APOC2: variants seen among roughly 807,000 people sequenced by gnomAD.
APOC2 encodes apolipoprotein C2.
APOC2 carries 6 observed loss-of-function variants against 10.2 expected under a neutral mutation model. The ratio of observed to expected loss-of-function variants is 0.59; its 90% CI spans 0.32 to 1.16. APOC2 has a LOEUF of 1.16. APOC2 is among the 50% of genes most tolerant of loss of function. APOC2 has a pLI of 0.05. For synonymous variants in APOC2, 56 were observed against 48.5 expected, an observed-to-expected ratio of 1.15 and a Z score of -0.64; for missense variants, 110 against 117.6, an observed-to-expected ratio of 0.94 and a Z score of 0.30.
rs577082578 is a variant in APOC2 at position 44,948,958 on chromosome 19, G to A, written c.215+98G>A. ...CCCAGCCCCTCCTCCCTCAGACCCA[G>A]GAGTCCAGGCCTCAGCCCCTCCTCC... On this transcript the variant is annotated intron_variant, in intron 3 of 3. Coordinates refer to ENST00000252490, the MANE Select transcript of APOC2 (RefSeq NM_000483.5). The A allele has an allele frequency of 1.3e-5, 20 of 1,536,152 alleles. No homozygotes were observed. In the South Asian group the frequency reaches 2.1e-4, roughly 16 times the overall value.
At chr19:44,948,920 CAGA>C in intron 3 of APOC2, 60 bp downstream of exon 3, 1 of 1,601,542 alleles carries the variant, frequency 6.2e-7, no homozygotes, top group South Asian at 1.1e-5. Flanking sequence ...ATCCAGGACC[CAGA>C]AGTTCAGGCC....
In APOC2 at chr19:44,949,179, C is replaced by G; in HGVS notation, c.236C>G (p.Thr79Arg). The G allele has an allele frequency of 6.2e-7, 1 of 1,614,006 alleles. No homozygotes were observed. Among genetic ancestry groups the G allele is most frequent in the South Asian group, 1.1e-5 (1 of 91,034 alleles). ...EKLRDLYSKS[T>R]AAMSTYTGIF... is the part of the protein sequence containing the mutation. ...CCCAGGGACTTGTACAGCAAAAGCA[C>G]AGCAGCCATGAGCACTTACACAGGC... Residue 79 changes from threonine (T) to arginine (R), a missense_variant, in exon 4 of 4, where the codon ACA becomes AGA. Transcript: ENST00000252490.
At chr19:44,946,810 A>C (rs1470837278) in intron 1 of APOC2, among the ~76,000 whole-genome samples, 1 of 152,144 alleles carries the variant, frequency 6.6e-6, no homozygotes, top group Non-Finnish European at 1.5e-5. Context: ...TGACAGAGCA[A>C]GACTCAGTCT....
intron 1 of APOC2, among the ~76,000 whole-genome samples, chr19:44,947,482 G>C (rs1296079909): frequency 6.6e-6 from 1 of 152,200 alleles, no homozygotes; most frequent in Non-Finnish European, 1.5e-5. Context: ...GCTGGGCCCA[G>C]AACTGTTTAG....
chr19:44,948,592 T>G (rs368074998), intron 2 of APOC2, 59 bp downstream of exon 2: 363 of 1,606,014 alleles, frequency 2.3e-4, no homozygotes, highest in Non-Finnish European at 3.0e-4. Flanking sequence ...CCAAGCATCT[T>G]CCCAGCCCAG....
chr19:44,947,989 A>G (rs1385921767), intron 1 of APOC2, among the ~76,000 whole-genome samples: 1 of 152,202 alleles, frequency 6.6e-6, no homozygotes, highest in Non-Finnish European at 1.5e-5. Context: ...GAATTGCTAG[A>G]ACCCTGGAGG....
At chr19:44,948,593 C>T (rs1970348406) in intron 2 of APOC2, 60 bp downstream of exon 2, 7 of 1,605,140 alleles carry the variant, frequency 4.4e-6, no homozygotes, top group Non-Finnish European at 6.0e-6. Context: ...CAAGCATCTT[C>T]CCAGCCCAGG....
rs776109755 is a variant in APOC2, at chr19:44,949,290, A to C, written c.*41A>C. 6.6e-7 allele frequency: 1 copy of C among 1,507,234 alleles called. No individual in the cohort carries two copies. Among genetic ancestry groups the C allele is most frequent in the Non-Finnish European group, 9.2e-7 (1 of 1,088,814 alleles). 93.4% of individuals were successfully genotyped at this position (1,507,234 alleles called of 1,614,324 possible). On this transcript the variant is annotated 3_prime_UTR_variant, in exon 4 of 4. Coordinates refer to ENST00000252490, the MANE Select transcript of APOC2 (RefSeq NM_000483.5). ...TCAGTGGACAAGGGGAGAGTCCCCT[A>C]CTCCCCTGATCCCCCAGGTTCAGAC...
rs929963353 is a variant in APOC2 at position 44,949,427 on chromosome 19, A to G, written c.*178A>G. 22 of 630,156 alleles carry G rather than the reference A, an allele frequency of 3.5e-5. No individual in the cohort carries two copies. The African/African-American group carries it at 3.8e-4, about 11-fold the overall frequency. 39.0% of individuals were successfully genotyped at this position (630,156 alleles called of 1,614,324 possible). A position where few individuals can be genotyped will look rare whatever the true frequency, so the allele number is the denominator to read the frequency against. On this transcript the variant is annotated 3_prime_UTR_variant, in exon 4 of 4. Transcript: ENST00000252490. ...TCTCATGGATGGCACTGCTTTTCTG[A>G]GGACTCAAGGGCCAAGATGGAGGGG...
chr19:44,949,035 T>G (rs1459058437), intron 3 of APOC2, 124 bp from the exon 4 acceptor site: 5 of 1,005,640 alleles, frequency 5.0e-6, no homozygotes, highest in Non-Finnish European at 5.4e-6. Context: ...GACCCAGGAG[T>G]CCAGGCCCCC....
intron 1 of APOC2, among the ~76,000 whole-genome samples, chr19:44,947,940 G>C (rs1435083127): frequency 1.3e-5 from 2 of 152,214 alleles, no homozygotes; most frequent in Non-Finnish European, 2.9e-5. Flanking sequence ...ATGGTGGCAG[G>C]TGCTTGTGAT....
At chr19:44,946,427 G>A (rs1054603985) in intron 1 of APOC2, among the ~76,000 whole-genome samples, 2 of 152,068 alleles carry the variant, frequency 1.3e-5, no homozygotes, top group African/African-American at 2.4e-5. Flanking sequence ...TGGCTGAGGT[G>A]GGGAGGATCC....
chr19:44,948,906 C>T, intron 3 of APOC2, 46 bp downstream of exon 3: 1 of 1,605,914 alleles, frequency 6.2e-7, no homozygotes, highest in Non-Finnish European at 8.5e-7. Context: ...ATACCACCGA[C>T]TGCATCCAGG....
At chr19:44,947,444 A>C (rs1432910504) in intron 1 of APOC2, 1 of 152,382 alleles carries the variant, frequency 6.6e-6, no homozygotes, top group South Asian at 2.1e-4. Context: ...CAGCCTTAGC[A>C]AAGGGCAGAG....
At position 44,949,158 on chromosome 19, in the gene APOC2, G is replaced by A; in HGVS notation, c.216-1G>A. 6.2e-7 allele frequency: 1 copy of A among 1,613,142 alleles called. No homozygotes were observed. Among genetic ancestry groups the A allele is most frequent in the South Asian group, 1.1e-5 (1 of 90,976 alleles). On this transcript the variant is annotated splice_acceptor_variant, in intron 3 of 3. Coordinates refer to ENST00000252490, the MANE Select transcript of APOC2 (RefSeq NM_000483.5). LOFTEE classifies it high-confidence loss of function. The stretch of plus-strand genomic sequence containing the variant: ...TCTAACCATCTGTGCTTTCTCCCCA[G>A]GGACTTGTACAGCAAAAGCACAGCA...
Position 44,948,760 on chromosome 19 carries a change from C to A in APOC2, c.115C>A (p.Gln39Lys). 1 of 1,614,206 alleles carries A rather than the reference C, an allele frequency of 6.2e-7. No homozygotes were observed. Among genetic ancestry groups the A allele is most frequent in the Non-Finnish European group, 8.5e-7 (1 of 1,180,040 alleles). ...GATGCCTAGCCCGACCTTCCTCACCCAGGTGAAGGAATCTCTCTCCAGTTA... is the reference window on the plus strand; with the variant it reads ...GATGCCTAGCCCGACCTTCCTCACCAAGGTGAAGGAATCTCTCTCCAGTTA... The part of the protein sequence containing the change: ...DEMPSPTFLT[Q>K]VKESLSSYWE... Residue 39 changes from glutamine to lysine, a missense_variant, in exon 3 of 4, where the codon CAG becomes AAG. Physicochemically the swap from Gln to Lys is moderately conservative, Grantham distance 53 (BLOSUM62 1). Transcript: ENST00000252490.
intron 2 of APOC2, 34 bp from the exon 3 acceptor site, chr19:44,948,667 C>A: frequency 6.2e-7 from 1 of 1,613,692 alleles, no homozygotes; most frequent in Non-Finnish European, 8.5e-7. Context: ...TGCTGCAGCC[C>A]CACGGGCTCT....
chr19:44,946,753 C>T (rs1337086790), intron 1 of APOC2, among the ~76,000 whole-genome samples: 1 of 151,708 alleles, frequency 6.6e-6, no homozygotes, highest in African/African-American at 2.4e-5. Flanking sequence ...ACCCAGGAAG[C>T]GGAGGTTGCA....
In APOC2 at chr19:44,948,423, G is replaced by GC. The variant is rs375916624; in HGVS notation, c.-13-41dup. 2.8e-4 allele frequency: 442 copies of GC among 1,555,272 alleles called. 3 individuals are homozygous for GC. The African/African-American group carries it at 5.2e-3, about 18-fold the overall frequency. ...GTGGGGCGTGACCACAGGAACAGCC[G>GC]CCTCCAGTCAGCCTGCCACATGACA... On this transcript the variant is annotated intron_variant, in intron 1 of 3. Transcript: ENST00000252490.
Sources: gnomAD v4.1 joint callset for allele counts (sites outside exome capture counted in the v4.1 genomes callset) on GRCh38, gnomAD v4.1.1 for gene constraint, MANE v1.5 for transcripts, NCBI Gene and HGNC (gene_info 2026-07-23, HGNC 2026-07-21) for gene names.